The following CHRNA5 variants were observed in gnomAD, a reference collection of about 807,000 sequenced individuals.
CHRNA5 encodes the protein cholinergic receptor nicotinic alpha 5 subunit.
In CHRNA5, 28 loss-of-function variants were observed where a neutral mutation model predicts 41.2. That is an observed-to-expected ratio of 0.68 (90% CI 0.50 to 0.93). The LOEUF (loss-of-function observed/expected upper bound fraction) is 0.93, where lower values mean the gene tolerates loss of function less well. Among genes scored for constraint, CHRNA5 ranks in the 40% least tolerant of loss-of-function variants. The pLI is 0.00. For missense variants in CHRNA5, 481 were observed against 581.9 expected, an observed-to-expected ratio of 0.83 and a Z score of 1.78; for synonymous variants, 188 against 205.8, an observed-to-expected ratio of 0.91 and a Z score of 0.74.
rs376857722 is a variant in CHRNA5, at chr15:78,592,355, C to T, written c.1246-737C>T. The stretch of plus-strand genomic sequence containing the variant: ...ATAAGCAGAGAAGTAACAGGGTTTA[C>T]AATGCCCTAAATTCTAAATTATCCT... On this transcript the variant is annotated intron_variant, in intron 5 of 5. Transcript: ENST00000299565. Among the ~76,000 whole-genome samples, 5 of 152,120 alleles carry T rather than the reference C, an allele frequency of 3.3e-5. No individual in the cohort carries two copies. In the East Asian group the frequency reaches 5.8e-4, roughly 18 times the overall value.
chr15:78,581,963 A>G (rs1023993706), intron 2 of CHRNA5, among the ~76,000 whole-genome samples: 1 of 152,112 alleles, frequency 6.6e-6, no homozygotes, highest in African/African-American at 2.4e-5. Context: ...CTTGTTTCCA[A>G]TTTTTCTTAT....
At chr15:78,575,711 A>G (rs771527262) in intron 1 of CHRNA5, among the ~76,000 whole-genome samples, 18 of 152,316 alleles carry the variant, frequency 1.2e-4, no homozygotes, top group Non-Finnish European at 2.4e-4. Context: ...ACTTATATCT[A>G]CACTGTTAGC....
intron 1 of CHRNA5, among the ~76,000 whole-genome samples, chr15:78,580,094 A>G (rs2052896773): frequency 6.6e-6 from 1 of 151,956 alleles, no homozygotes; most frequent in Admixed American, 6.6e-5. Flanking sequence ...AGTCTGGCCA[A>G]CATGGTGGAA....
At chr15:78,587,349 T>C (rs2052970108) in intron 3 of CHRNA5, among the ~76,000 whole-genome samples, 1 of 151,800 alleles carries the variant, frequency 6.6e-6, no homozygotes, top group African/African-American at 2.4e-5. Context: ...AAAATGGTGG[T>C]CAGAGAAAAC....
intron 5 of CHRNA5, among the ~76,000 whole-genome samples, chr15:78,592,789 ATT>A (rs1044560905): frequency 6.6e-6 from 1 of 151,004 alleles, no homozygotes; most frequent in Non-Finnish European, 1.5e-5. Flanking sequence ...AGTAAGAATA[ATT>A]TTTTTTAGTT....
chr15:78,591,462 C>T (rs929577259), intron 5 of CHRNA5, among the ~76,000 whole-genome samples: 1 of 150,322 alleles, frequency 6.7e-6, no homozygotes, highest in Non-Finnish European at 1.5e-5. Flanking sequence ...GTTATTTCTT[C>T]TATTGTGTAT....
intron 1 of CHRNA5, 94 bp from the exon 2 acceptor site, chr15:78,580,717 A>G (rs2052904441): frequency 1.8e-6 from 2 of 1,085,560 alleles, no homozygotes; most frequent in South Asian, 1.6e-5. Flanking sequence ...GCTCACTGCA[A>G]CCTTTGCCTC....
intron 1 of CHRNA5, among the ~76,000 whole-genome samples, chr15:78,576,254 C>G (rs1230728392): frequency 2.0e-5 from 3 of 152,144 alleles, no homozygotes; most frequent in African/African-American, 7.2e-5. Flanking sequence ...TCAATAGATC[C>G]TCCTACCTCA....
chr15:78,590,669 C>T, intron 5 of CHRNA5, 33 bp downstream of exon 5: 1 of 1,539,454 alleles, frequency 6.5e-7, no homozygotes, highest in Non-Finnish European at 8.8e-7. Flanking sequence ...TGCAGATCTT[C>T]TTCCATTTTA....
intron 1 of CHRNA5, among the ~76,000 whole-genome samples, chr15:78,566,943 A>G (rs1030862004): frequency 6.6e-6 from 1 of 152,300 alleles, no homozygotes; most frequent in African/African-American, 2.4e-5. Context: ...AACTTCTCTC[A>G]GCTGTTTTCC....
At chr15:78,589,840 C>T (rs199550371) in exon 5 of CHRNA5, 4 of 1,607,384 alleles carry the variant, frequency 2.5e-6, no homozygotes, top group Non-Finnish European at 3.4e-6. Flanking sequence ...AGTACGAAAA[C>T]AGTCATCAGG....
In CHRNA5 at chr15:78,588,530, TC is replaced by T; in HGVS notation, c.413+108del. On this transcript the variant is annotated intron_variant, in intron 4 of 5. Transcript: ENST00000299565. The surrounding 1 kb of genome is among the most constrained non-coding windows in gnomAD (Gnocchi z 4.1). ...TTTTGAAATTGTTTAGGTATAAAAA[TC>T]AAATGACATGACCGCATGTGCCTGG... 1.9e-6 allele frequency: 1 copy of T among 526,520 alleles called. No homozygotes were observed. 32.6% of individuals were successfully genotyped at this position (526,520 alleles called of 1,614,324 possible).
rs1467652952 is a variant in CHRNA5, at chr15:78,588,702, A to G, written c.413+279A>G. Among the ~76,000 whole-genome samples, 3 of 152,154 alleles carry G rather than the reference A, an allele frequency of 2.0e-5. No individual in the cohort carries two copies. Among genetic ancestry groups the G allele is most frequent in the Non-Finnish European group, 4.4e-5 (3 of 68,030 alleles). ...TTTACTCTTTGTTTTACTAGACTACATATTTGGCAGACTTCTAGATTTTTT... is the reference window on the plus strand; with the variant it reads ...TTTACTCTTTGTTTTACTAGACTACGTATTTGGCAGACTTCTAGATTTTTT... On this transcript the variant is annotated intron_variant, in intron 4 of 5. Transcript: ENST00000299565. This position sits in a 1 kb window ranked among gnomAD's most constrained non-coding sequence, Gnocchi z 4.1.
chr15:78,595,070 C>A (rs1708536026), exon 6 of CHRNA5: 1 of 153,266 alleles, frequency 6.5e-6, no homozygotes, highest in Admixed American at 6.6e-5. Context: ...CAAGCCAATG[C>A]TCTTTGGAAG....
chr15:78,584,992 T>C (rs1181895555), intron 2 of CHRNA5, among the ~76,000 whole-genome samples: 1 of 152,168 alleles, frequency 6.6e-6, no homozygotes, highest in Non-Finnish European at 1.5e-5. Flanking sequence ...TGATCTTGGC[T>C]CACTACAACC....
rs571977167 is a variant in CHRNA5, at chr15:78,585,437, TA to T, written c.259-1206del. Among the ~76,000 whole-genome samples, 120 of 152,268 alleles carry T rather than the reference TA, an allele frequency of 7.9e-4. 1 individual carries two copies. The highest frequency in any genetic ancestry group is 2.7e-3 in the African/African-American group (114 of 41,544). On this transcript the variant is annotated intron_variant, in intron 2 of 5. Coordinates refer to ENST00000299565, the Ensembl canonical transcript of CHRNA5. The stretch of plus-strand genomic sequence containing the variant: ...GGTCACCTCCAGTTACCTGAGGTAT[TA>T]ATATTTATTTACACCCCTGTCCTAT...
chr15:78,593,677 A>AGCAGT (rs1214817064), exon 6 of CHRNA5: 2 of 153,082 alleles, frequency 1.3e-5, no homozygotes, highest in Admixed American at 6.5e-5. Context: ...TCTTTAATAT[A>AGCAGT]ATATTATACT....
At chr15:78,589,587 CAGA>C (rs1201733930) in intron 4 of CHRNA5, 3 of 459,754 alleles carry the variant, frequency 6.5e-6, no homozygotes, top group East Asian at 3.5e-5. Flanking sequence ...GGAGTAGATG[CAGA>C]AGAAGGGGTT....
exon 1 of CHRNA5, chr15:78,565,575 A>C: frequency 9.0e-6 from 2 of 221,902 alleles, no homozygotes; most frequent in Non-Finnish European, 1.7e-5. Context: ...TCCCGGCGGG[A>C]GCTGTGGCGC....
Sources: allele counts gnomAD v4.1 joint callset (sites outside exome capture counted in the v4.1 genomes callset), GRCh38; gene constraint gnomAD v4.1.1; non-coding constraint Gnocchi (gnomAD v3.1); transcripts MANE v1.5; gene names NCBI Gene and HGNC (gene_info 2026-07-23, HGNC 2026-07-21).